NSD1: variants seen among roughly 807,000 people sequenced by gnomAD.
NSD1 encodes histone-lysine N-methyltransferase, H3 lysine-36 specific.
A neutral mutation model predicts 242.7 loss-of-function variants in NSD1; 26 were observed. The ratio of observed to expected loss-of-function variants is 0.11; its 90% confidence interval spans 0.08 to 0.15. The LOEUF (loss-of-function observed/expected upper bound fraction) is 0.15, where lower values mean the gene tolerates loss of function less well. Ranked by LOEUF, NSD1 falls within the 10% of genes least tolerant of loss-of-function variation. The pLI, the probability that NSD1 is intolerant of heterozygous loss-of-function variation, is 1.00. For missense variants in NSD1, 2,495 were observed against 3,272.8 expected (o/e 0.76, Z 5.80); for synonymous variants, 1,106 against 1,178.1 (o/e 0.94, Z 1.25).
intron 21 of NSD1, among the ~76,000 whole-genome samples, chr5:177,289,517 T>A (rs1300844388): frequency 1.3e-5 from 2 of 152,174 alleles, no homozygotes; most frequent in Non-Finnish European, 2.9e-5. Flanking sequence ...GAAGGTTAGT[T>A]ACCTCCCTCG....
intron 5 of NSD1, among the ~76,000 whole-genome samples, chr5:177,234,246 A>G (rs75946745): frequency 6.6e-6 from 1 of 152,352 alleles, no homozygotes; most frequent in Admixed American, 6.5e-5. Flanking sequence ...TCTTTGTTCA[A>G]CATGGTGATA....
rs201327209 is a variant in NSD1 at position 177,210,738 on chromosome 5, C to T, written c.2339C>T (p.Ser780Leu). 6.3e-4 allele frequency: 1,016 copies of T among 1,614,142 alleles called. 14 individuals are homozygous for T. In the South Asian group the frequency reaches 7.8e-3, roughly 12 times the overall value. Residue 780 changes from serine to leucine, a missense_variant, in exon 5 of 23, where the codon TCG (serine) becomes TTG (leucine). This residue lies in a region of NSD1 where 515 missense variants were observed against 467.0 expected (regional missense o/e 1.10). Coordinates refer to ENST00000439151, the MANE Select transcript of NSD1 (RefSeq NM_022455.5). ...GGAANQALLH[S>L]KSKQPKFRSI... ...GCAGCAAATCAAGCTCTATTACATT[C>T]GAAAAGCAAACAGCCCAAGTTCCGA...
At chr5:177,205,044 C>G (rs906791330) in intron 4 of NSD1, among the ~76,000 whole-genome samples, 2 of 151,534 alleles carry the variant, frequency 1.3e-5, no homozygotes, top group African/African-American at 2.4e-5. Context: ...TTGTTTGTTT[C>G]TTTGTTTTTG....
At chr5:177,199,870 C>T (rs372274652) in intron 3 of NSD1, among the ~76,000 whole-genome samples, 7 of 152,048 alleles carry the variant, frequency 4.6e-5, no homozygotes, top group African/African-American at 1.4e-4. Flanking sequence ...GCTGGGATTA[C>T]AGGAGCGAGC....
chr5:177,182,718 C>A (rs972001778), intron 2 of NSD1, among the ~76,000 whole-genome samples: 2 of 152,002 alleles, frequency 1.3e-5, no homozygotes, highest in African/African-American at 4.8e-5. Context: ...CTCACTGTAA[C>A]CTTCCATCTC....
intron 9 of NSD1, 38 bp from the exon 10 acceptor site, chr5:177,246,640 T>A (rs1562253565): frequency 2.2e-6 from 3 of 1,371,192 alleles, no homozygotes; most frequent in African/African-American, 1.4e-5. Flanking sequence ...GACATGTGTG[T>A]TAGTAGCCAG....
intron 14 of NSD1, chr5:177,266,050 G>T: frequency 9.2e-7 from 1 of 1,084,942 alleles, no homozygotes; most frequent in Non-Finnish European, 1.4e-6. Flanking sequence ...TCTCCCACCA[G>T]TGGATCTTGT....
chr5:177,218,777 G>C (rs1763999254), intron 5 of NSD1, among the ~76,000 whole-genome samples: 2 of 151,502 alleles, frequency 1.3e-5, no homozygotes, highest in South Asian at 4.2e-4. Context: ...CACCATGTTA[G>C]CCAGGATGGT....
Position 177,273,702 on chromosome 5 carries a change from A to G in NSD1, c.5540A>G (p.Glu1847Gly), listed in dbSNP as rs1430928012. 1 of 1,613,628 alleles carries G rather than the reference A, an allele frequency of 6.2e-7. No individual in the cohort carries two copies. The highest frequency in any genetic ancestry group is 8.5e-7 in the Non-Finnish European group (1 of 1,179,800). Residue 1847 changes from glutamate to glycine, a missense_variant, in exon 17 of 23, where the codon GAA (glutamate) becomes GGA (glycine). Glu to Gly is a moderately conservative substitution (Grantham distance 98). Around this residue, in one of 19 missense-constraint regions of NSD1, gnomAD observed 114 missense variants for 247.4 expected, o/e 0.46. Coordinates refer to ENST00000439151, the MANE Select transcript of NSD1 (RefSeq NM_022455.5). ...ALQEAAARFE[E>G]LKAQKELRQL... ...CAGGAAGCTGCAGCAAGGTTTGAGG[A>G]ATTAAAGGCCCAAAAAGAGCTAAGA...
At chr5:177,164,959 AAAG>A (rs1314549531) in intron 2 of NSD1, among the ~76,000 whole-genome samples, 2 of 151,648 alleles carry the variant, frequency 1.3e-5, no homozygotes, top group Non-Finnish European at 2.9e-5. Flanking sequence ...AAAAAAAAAA[AAAG>A]AGGTAAAATT....
chr5:177,169,779 CAT>C (rs1345691950), intron 2 of NSD1: 4 of 152,102 alleles, frequency 2.6e-5, no homozygotes, highest in African/African-American at 4.8e-5. Flanking sequence ...TGATATATAA[CAT>C]AACCACATTT....
rs147209143 is a variant in NSD1 at position 177,226,515 on chromosome 5, T to C, written c.3797-9306T>C. 9.1e-3 allele frequency among the ~76,000 whole-genome samples: 1,393 copies of C among 152,300 alleles called. 20 individuals carry two copies. The highest frequency in any genetic ancestry group is 0.032 in the African/African-American group (1,321 of 41,558). Reference sequence around the variant, plus strand: ...TTATTTATTTTTGAAATGGGGTTCTTGCTGTTTTGCCCAAGCCTGGTCTCA... The same window carrying C: ...TTATTTATTTTTGAAATGGGGTTCTCGCTGTTTTGCCCAAGCCTGGTCTCA... On this transcript the variant is annotated intron_variant, in intron 5 of 22. Transcript: ENST00000439151.
chr5:177,270,147 T>C (rs1757831852), intron 16 of NSD1, among the ~76,000 whole-genome samples: 1 of 116,196 alleles, frequency 8.6e-6, no homozygotes, highest in Non-Finnish European at 1.8e-5. Flanking sequence ...CTACATTTGC[T>C]CCAAGGAGTC....
intron 14 of NSD1, chr5:177,266,028 A>G (rs1284251775): frequency 1.9e-6 from 2 of 1,041,760 alleles, no homozygotes; most frequent in Admixed American, 1.7e-5. Context: ...GATATATCGA[A>G]GCCATAAACG....
chr5:177,157,511 C>CA (rs1342652061), intron 2 of NSD1, among the ~76,000 whole-genome samples: 7 of 152,022 alleles, frequency 4.6e-5, no homozygotes, highest in African/African-American at 7.2e-5. Flanking sequence ...CCAGCCTGGC[C>CA]AACATGGTGA....
At chr5:177,207,774 G>T (rs1763009106) in intron 4 of NSD1, among the ~76,000 whole-genome samples, 1 of 151,446 alleles carries the variant, frequency 6.6e-6, no homozygotes, top group Admixed American at 6.6e-5. Flanking sequence ...ACAGGATCGT[G>T]CTCTGTCATC....
chr5:177,264,826 A>T, intron 14 of NSD1: 1 of 755,188 alleles, frequency 1.3e-6, no homozygotes, highest in Admixed American at 1.7e-5. Context: ...GCCTTTTAGA[A>T]AACATGGAGT....
intron 14 of NSD1, chr5:177,266,563 C>T (rs1281854495): frequency 2.9e-6 from 2 of 683,922 alleles, no homozygotes; most frequent in East Asian, 3.6e-5. Context: ...CTCCATGATG[C>T]AGTTCACGAC....
chr5:177,265,863 G>A, intron 14 of NSD1: 1 of 1,468,474 alleles, frequency 6.8e-7, no homozygotes, highest in East Asian at 2.3e-5. Flanking sequence ...TAGTCATTCT[G>A]CTTCACTTGC....
Sources: gnomAD v4.1 joint callset for allele counts (sites outside exome capture counted in the v4.1 genomes callset) on GRCh38, gnomAD v4.1.1 for gene constraint, gnomAD v4.1.1 regional missense constraint, MANE v1.5 for transcripts, NCBI Gene and HGNC (gene_info 2026-07-23, HGNC 2026-07-21) for gene names.